The following NUP37 variants were observed in gnomAD, a reference collection of about 807,000 sequenced individuals.
NUP37 encodes nucleoporin Nup37.
In NUP37, 33 loss-of-function variants were observed where a neutral mutation model predicts 45.4. That is an observed-to-expected ratio of 0.73 (90% CI 0.55 to 0.97). The LOEUF (loss-of-function observed/expected upper bound fraction) is 0.97, where lower values mean the gene tolerates loss of function less well. Ranked by LOEUF, NUP37 falls within the 50% of genes least tolerant of loss-of-function variation. The pLI, the probability that NUP37 is intolerant of heterozygous loss-of-function variation, is 0.00. For synonymous variants in NUP37, 127 were observed against 130.7 expected, an observed-to-expected ratio of 0.97 and a Z score of 0.19; for missense variants, 365 against 389.7, an observed-to-expected ratio of 0.94 and a Z score of 0.53.
At chr12:102,080,398 G>A (rs1879298549) in intron 6 of NUP37, among the ~76,000 whole-genome samples, 1 of 152,124 alleles carries the variant, frequency 6.6e-6, no homozygotes, top group Non-Finnish European at 1.5e-5. Context: ...TCCAGCCTGG[G>A]CCACAGAGTG....
chr12:102,105,353 C>T (rs1396085216), intron 3 of NUP37, among the ~76,000 whole-genome samples: 2 of 150,950 alleles, frequency 1.3e-5, no homozygotes, highest in Admixed American at 6.6e-5. Context: ...GGCAAAACCC[C>T]ATCTCTACAA....
intron 3 of NUP37, among the ~76,000 whole-genome samples, chr12:102,110,552 T>C (rs1052750940): frequency 5.3e-5 from 8 of 150,986 alleles, no homozygotes; most frequent in Admixed American, 2.6e-4. Flanking sequence ...ATAGCAAATA[T>C]TGGAGAATAG....
chr12:102,088,473 C>G (rs1879534148), intron 5 of NUP37, among the ~76,000 whole-genome samples: 1 of 152,164 alleles, frequency 6.6e-6, no homozygotes, highest in Non-Finnish European at 1.5e-5. Context: ...CAAAAGTTGT[C>G]TTGCGCTCCC....
In NUP37 at chr12:102,120,072, A is replaced by T. The variant is rs1880731279; in HGVS notation, c.-88T>A. On this transcript the variant is annotated 5_prime_UTR_variant, in exon 1 of 10. Transcript: ENST00000552283. ...CACCGCAGAGCGCCAGGAACCGACC[A>T]GAGGCAGGCTGGTCTTCCTTGGGGG... The T allele has an allele frequency of 6.3e-6, 1 of 158,224 alleles. No individual in the cohort carries two copies. Among genetic ancestry groups the T allele is most frequent in the Non-Finnish European group, 1.4e-5 (1 of 71,122 alleles). The allele number at this position is 158,224 out of a possible 1,614,324, so 9.8% of individuals were successfully genotyped here. A position where few individuals can be genotyped will look rare whatever the true frequency, so the allele number is the denominator to read the frequency against.
At chr12:102,101,168 C>T (rs1472918418) in intron 3 of NUP37, 64 bp from the exon 4 acceptor site, 7 of 803,682 alleles carry the variant, frequency 8.7e-6, no homozygotes, top group African/African-American at 1.8e-5. Flanking sequence ...TCTCCCCCTC[C>T]CCCCCATCCT....
At chr12:102,082,074 G>A (rs147734913) in intron 6 of NUP37, among the ~76,000 whole-genome samples, 5 of 152,162 alleles carry the variant, frequency 3.3e-5, no homozygotes, top group East Asian at 3.9e-4. Context: ...CTTTGATCCC[G>A]TGACATCCTG....
chr12:102,077,423 T>A lies in NUP37; in HGVS notation c.621A>T (p.Glu207Asp). The change falls in exon 7 of 10, where the codon GAA becomes GAT. Residue 207 changes from glutamate to aspartate, a missense_variant. Coordinates refer to ENST00000552283, the MANE Select transcript of NUP37 (RefSeq NM_024057.4). ...AQQAILSLES[E>D]QVPLMSAHWC... ...AGTGTGCTGACATTAATGGCACTTG[T>A]TCTGATTCAAGAGATAAAATAGCCT... The A allele has an allele frequency of 6.2e-7, 1 of 1,614,170 alleles. No homozygotes were observed. Among genetic ancestry groups the A allele is most frequent in the South Asian group, 1.1e-5 (1 of 91,086 alleles).
chr12:102,110,198 T>C (rs1321303167), intron 3 of NUP37, among the ~76,000 whole-genome samples: 1 of 152,146 alleles, frequency 6.6e-6, no homozygotes, highest in African/African-American at 2.4e-5. Flanking sequence ...TCAACCAGAA[T>C]GGCTAAAATT....
At position 102,083,494 on chromosome 12, in the gene NUP37, C is replaced by G. The variant is rs1879387143; in HGVS notation, c.540+2272G>C. 3.3e-5 allele frequency among the ~76,000 whole-genome samples: 5 copies of G among 152,342 alleles called. No individual in the cohort carries two copies. The South Asian group carries it at 1.0e-3, about 32-fold the overall frequency. The stretch of plus-strand genomic sequence containing the variant: ...CTGGGGATTATCTCCTCTGTGAAAG[C>G]TGCGAGAAGATTTGGTTAATCCTTC... On this transcript the variant is annotated intron_variant, in intron 6 of 9. Transcript: ENST00000552283.
Position 102,076,858 on chromosome 12 carries a change from A to G in NUP37, c.723-11T>C, listed in dbSNP as rs369378567. On this transcript the variant is annotated splice_polypyrimidine_tract_variant and intron_variant, in intron 7 of 9. Coordinates refer to ENST00000552283, the MANE Select transcript of NUP37 (RefSeq NM_024057.4). ...TTATTTTGAGGATAACTAAAAGATAATATTTTGCATTTTATGAATTATGTG... is the reference window on the plus strand; with the variant it reads ...TTATTTTGAGGATAACTAAAAGATAGTATTTTGCATTTTATGAATTATGTG... 22 of 1,605,692 alleles carry G rather than the reference A, an allele frequency of 1.4e-5. No homozygotes were observed. Among genetic ancestry groups the G allele is most frequent in the Non-Finnish European group, 1.9e-5 (22 of 1,173,720 alleles).
At chr12:102,087,122 T>TA (rs1879494164) in intron 5 of NUP37, among the ~76,000 whole-genome samples, 5 of 151,988 alleles carry the variant, frequency 3.3e-5, no homozygotes, top group Admixed American at 3.3e-4. Context: ...AAACCAACAA[T>TA]AAAAAAAGGA....
chr12:102,088,618 T>G (rs1879540058), intron 5 of NUP37, among the ~76,000 whole-genome samples: 1 of 152,172 alleles, frequency 6.6e-6, no homozygotes, highest in African/African-American at 2.4e-5. Flanking sequence ...TTTCTTGGTC[T>G]GACTTCTTTT....
chr12:102,102,265 GA>G (rs1282521730), intron 3 of NUP37, among the ~76,000 whole-genome samples: 1 of 152,150 alleles, frequency 6.6e-6, no homozygotes, highest in Non-Finnish European at 1.5e-5. Flanking sequence ...TGTGTTGGTA[GA>G]CCTTTGCTAC....
chr12:102,105,861 CAAAA>C (rs759252411), intron 3 of NUP37, among the ~76,000 whole-genome samples: 3 of 73,700 alleles, frequency 4.1e-5, no homozygotes, highest in African/African-American at 5.1e-5. Context: ...GACTCCCTCT[CAAAA>C]AAAAAAAAAA....
At chr12:102,112,881 CTAT>C (rs1316164209) in intron 2 of NUP37, among the ~76,000 whole-genome samples, 3 of 152,090 alleles carry the variant, frequency 2.0e-5, no homozygotes, top group African/African-American at 7.2e-5. Flanking sequence ...TTCATCTGAA[CTAT>C]TATTGTTTAT....
At position 102,112,116 on chromosome 12, in the gene NUP37, T is replaced by A. The variant is rs536094332; in HGVS notation, c.273A>T (p.Pro91=). 6.2e-7 allele frequency: 1 copy of A among 1,613,718 alleles called. No individual in the cohort carries two copies. Among genetic ancestry groups the A allele is most frequent in the South Asian group, 1.1e-5 (1 of 91,030 alleles). ...SPETRLDSLP[P]VIKFCTSAAD... ...GGTACTGTTAAACTTACTTGATTAC[T>A]GGAGGCAATGAATCAAGTCTAGTCT... is the stretch of plus-strand genomic sequence containing the variant. The change falls in exon 3 of 10, where the codon CCA becomes CCT. Residue 91 remains proline (P), a synonymous_variant. Transcript: ENST00000552283.
intron 4 of NUP37, among the ~76,000 whole-genome samples, chr12:102,100,601 A>G (rs1879942678): frequency 6.6e-6 from 1 of 152,184 alleles, no homozygotes; most frequent in East Asian, 1.9e-4. Context: ...AAGTAATAAC[A>G]CTGGAGTTTA....
At chr12:102,093,492 C>G (rs1879717232) in intron 5 of NUP37, among the ~76,000 whole-genome samples, 1 of 151,958 alleles carries the variant, frequency 6.6e-6, no homozygotes, top group Admixed American at 6.6e-5. Flanking sequence ...AAATTAAACT[C>G]TCAACTGCAA....
intron 5 of NUP37, 80 bp downstream of exon 5, chr12:102,099,026 C>T: frequency 2.1e-6 from 2 of 950,222 alleles, no homozygotes; most frequent in Non-Finnish European, 3.4e-6. Context: ...GTAAAAGTCA[C>T]ATTTTTTTTT....
Sources: gnomAD v4.1 joint callset for allele counts (sites outside exome capture counted in the v4.1 genomes callset) on GRCh38, gnomAD v4.1.1 for gene constraint, MANE v1.5 for transcripts, NCBI Gene and HGNC (gene_info 2026-07-23, HGNC 2026-07-21) for gene names.